KCNJ6: variants seen among roughly 807,000 people sequenced by gnomAD.
KCNJ6 encodes G protein-activated inward rectifier potassium channel 2.
Under a neutral mutation model 34.2 loss-of-function variants are expected in KCNJ6, and 9 were observed. The observed-to-expected ratio is 0.26, with a 90% CI of 0.16 to 0.46. The LOEUF is 0.46. Among genes scored for constraint, KCNJ6 ranks in the 20% least tolerant of loss-of-function variants. The pLI, the probability that KCNJ6 is intolerant of heterozygous loss-of-function variation, is 1.00. For synonymous variants in KCNJ6, 196 were observed against 207.1 expected (o/e 0.95, Z 0.46); for missense variants, 236 against 531.3 (o/e 0.44, Z 5.46).
intron 2 of KCNJ6, among the ~76,000 whole-genome samples, chr21:37,752,815 AGAAG>A (rs1432084077): frequency 6.6e-6 from 1 of 152,220 alleles, no homozygotes; most frequent in African/African-American, 2.4e-5. Flanking sequence ...TGGATGACAC[AGAAG>A]GAAGACCTGT....
chr21:37,875,598 C>T (rs1259214658), intron 1 of KCNJ6, among the ~76,000 whole-genome samples: 1 of 152,080 alleles, frequency 6.6e-6, no homozygotes, highest in Non-Finnish European at 1.5e-5. Flanking sequence ...CTGCAAACAG[C>T]TTACTGTTTC....
At chr21:37,716,227 A>G (rs556883306) in intron 2 of KCNJ6, among the ~76,000 whole-genome samples, 33 of 152,246 alleles carry the variant, frequency 2.2e-4, no homozygotes, top group Admixed American at 2.0e-4. Flanking sequence ...TTGTACTTTA[A>G]TGGTTGATTC....
intron 3 of KCNJ6, among the ~76,000 whole-genome samples, chr21:37,711,540 C>A (rs1310836335): frequency 6.6e-6 from 1 of 152,196 alleles, no homozygotes; most frequent in African/African-American, 2.4e-5. Context: ...ATAATTAGAT[C>A]CCTGTGAATT....
At chr21:37,731,901 CA>C (rs749844554) in intron 2 of KCNJ6, among the ~76,000 whole-genome samples, 82 of 152,262 alleles carry the variant, frequency 5.4e-4, no homozygotes, top group Non-Finnish European at 7.6e-4. Context: ...GTGCATTCAG[CA>C]AGGGAGAGGC....
At chr21:37,799,369 G>A (rs181210400) in intron 2 of KCNJ6, among the ~76,000 whole-genome samples, 1 of 152,344 alleles carries the variant, frequency 6.6e-6, no homozygotes, top group East Asian at 1.9e-4. Context: ...GGGGCAGAAA[G>A]GGAGGATGAA....
intron 1 of KCNJ6, among the ~76,000 whole-genome samples, chr21:37,858,446 T>C (rs2055576709): frequency 7.7e-6 from 1 of 130,482 alleles, no homozygotes; most frequent in African/African-American, 2.9e-5. Flanking sequence ...CAATTCTTAA[T>C]ATTGATAGAG....
rs2054242917 is a variant in KCNJ6, at chr21:37,611,628, ATAAT to A, written c.*13527_*13530del. 6.6e-6 allele frequency: 1 copy of A among 152,222 alleles called. No homozygotes were observed. The allele number at this position is 152,222 out of a possible 1,614,324, so 9.4% of individuals were successfully genotyped here. The stretch of plus-strand genomic sequence containing the variant: ...AAATCAAGTCCAACAATATATGAAA[ATAAT>A]TAAACACCATGACCAGGTGGAATTT... On this transcript the variant is annotated 3_prime_UTR_variant, in exon 4 of 4. Transcript: ENST00000609713.
chr21:37,881,083 G>A (rs1272368148), intron 1 of KCNJ6, among the ~76,000 whole-genome samples: 2 of 152,172 alleles, frequency 1.3e-5, no homozygotes, highest in Non-Finnish European at 1.5e-5. Flanking sequence ...TCTGGAGGCA[G>A]GCAGGCAACC....
At chr21:37,657,633 G>A (rs1031935593) in intron 3 of KCNJ6, among the ~76,000 whole-genome samples, 1 of 152,300 alleles carries the variant, frequency 6.6e-6, no homozygotes, top group Non-Finnish European at 1.5e-5. Context: ...AGCTGGGATC[G>A]TTGGGTGCCT....
At chr21:37,873,673 T>C (rs2055663581) in intron 1 of KCNJ6, among the ~76,000 whole-genome samples, 2 of 152,134 alleles carry the variant, frequency 1.3e-5, no homozygotes, top group African/African-American at 4.8e-5. Flanking sequence ...GAGCAAATTA[T>C]TGACTTTCTC....
rs397748358 is a variant in KCNJ6, at chr21:37,801,739, T to TA, written c.25+38918dup. Among the ~76,000 whole-genome samples the TA allele has an allele frequency of 6.0e-4, 91 of 151,738 alleles. 1 individual carries two copies. Among genetic ancestry groups the TA allele is most frequent in the Admixed American group, 1.2e-3 (18 of 15,216 alleles). On this transcript the variant is annotated intron_variant, in intron 2 of 3. Transcript: ENST00000609713. ...TCCTAGGCAGCACTGTGATTTTTTT[T>TA]AAAAAATCATCCTTATTGAAGTGGA...
chr21:37,762,328 G>C (rs1439699082), intron 2 of KCNJ6, among the ~76,000 whole-genome samples: 1 of 152,164 alleles, frequency 6.6e-6, no homozygotes, highest in Non-Finnish European at 1.5e-5. Flanking sequence ...TCAGCCCATG[G>C]AGAGCAGCTC....
chr21:37,789,487 T>A (rs1457299109), intron 2 of KCNJ6, among the ~76,000 whole-genome samples: 3 of 152,232 alleles, frequency 2.0e-5, no homozygotes, highest in Non-Finnish European at 4.4e-5. Flanking sequence ...ACCATGATCT[T>A]GGACTTCCAG....
chr21:37,697,817 G>A (rs1438349082), intron 3 of KCNJ6, among the ~76,000 whole-genome samples: 1 of 152,150 alleles, frequency 6.6e-6, no homozygotes, highest in African/African-American at 2.4e-5. Context: ...ATTTGTTGAT[G>A]GTACATTATT....
At chr21:37,727,472 T>TGC (rs542336304) in intron 2 of KCNJ6, among the ~76,000 whole-genome samples, 11,474 of 151,746 alleles carry the variant, frequency 0.076, 921 homozygotes, top group African/African-American at 0.2. Flanking sequence ...TGTGTGTGTG[T>TGC]GTGCATGGAT....
In KCNJ6 at chr21:37,870,431, T is replaced by C. The variant is rs563212858; in HGVS notation, c.-27-29722A>G. Among the ~76,000 whole-genome samples the C allele has an allele frequency of 4.6e-5, 7 of 152,264 alleles. No individual in the cohort carries two copies. The South Asian group carries it at 1.2e-3, about 27-fold the overall frequency. On this transcript the variant is annotated intron_variant, in intron 1 of 3. Transcript: ENST00000609713. ...TTTGGCACAGGCCCAGCTACCTAAC[T>C]GGCAAAGACCCAAACCCATCCCAGA...
intron 3 of KCNJ6, among the ~76,000 whole-genome samples, chr21:37,629,134 C>G (rs2054323135): frequency 6.6e-6 from 1 of 152,046 alleles, no homozygotes; most frequent in Non-Finnish European, 1.5e-5. Flanking sequence ...GACCGTAACT[C>G]AAATCCACAT....
intron 3 of KCNJ6, among the ~76,000 whole-genome samples, chr21:37,691,028 G>A (rs1212607733): frequency 1.3e-5 from 2 of 152,114 alleles, no homozygotes; most frequent in Non-Finnish European, 2.9e-5. Flanking sequence ...TGATCCACCT[G>A]CCTCAGCCTC....
At chr21:37,788,064 A>T (rs1269435415) in intron 2 of KCNJ6, among the ~76,000 whole-genome samples, 1 of 152,220 alleles carries the variant, frequency 6.6e-6, no homozygotes, top group Non-Finnish European at 1.5e-5. Context: ...GAATTTGAGA[A>T]GGAAGATCTG....
Sources: gnomAD v4.1 joint callset for allele counts (sites outside exome capture counted in the v4.1 genomes callset) on GRCh38, gnomAD v4.1.1 for gene constraint, MANE v1.5 for transcripts, NCBI Gene and HGNC (gene_info 2026-07-23, HGNC 2026-07-21) for gene names.